Variants in TMEM131 observed in about 807,000 individuals in gnomAD.
The protein encoded by TMEM131 is transmembrane protein 131, also known as 2610524E03Rik.
TMEM131 carries 66 observed loss-of-function variants against 211.6 expected under a neutral mutation model. The ratio of observed to expected loss-of-function variants is 0.31; its 90% confidence interval spans 0.26 to 0.38. The LOEUF (loss-of-function observed/expected upper bound fraction) is 0.38. Among genes scored for constraint, TMEM131 ranks in the 10% least tolerant of loss-of-function variants. TMEM131 has a pLI of 1.00. For missense variants in TMEM131, 2,036 were observed against 2,299.3 expected (o/e 0.89, Z 2.34); for synonymous variants, 844 against 841.3 (o/e 1.00, Z -0.06).
chr2:97,883,059 G>A (rs1336833962), intron 4 of TMEM131, among the ~76,000 whole-genome samples: 2 of 152,058 alleles, frequency 1.3e-5, no homozygotes, highest in Non-Finnish European at 2.9e-5. Context: ...CCTTCTAGCT[G>A]GGTCCTCACA....
At chr2:97,893,160 T>C (rs1675455395) in intron 3 of TMEM131, among the ~76,000 whole-genome samples, 1 of 152,160 alleles carries the variant, frequency 6.6e-6, no homozygotes, top group African/African-American at 2.4e-5. Context: ...TCTGTTCTTG[T>C]GTTAGTTTGC....
At chr2:97,913,070 T>C (rs1282504990) in intron 2 of TMEM131, 1 of 152,158 alleles carries the variant, frequency 6.6e-6, no homozygotes, top group African/African-American at 2.4e-5. Context: ...GGGTTTTTAT[T>C]AACACCAAAA....
At chr2:97,791,042 A>G (rs2104878938) in intron 31 of TMEM131, among the ~76,000 whole-genome samples, 1 of 152,328 alleles carries the variant, frequency 6.6e-6, no homozygotes, top group East Asian at 1.9e-4. Context: ...TTGGTAAACC[A>G]TTCTGGAAGG....
chr2:97,892,197 G>GAA (rs1157759375), intron 3 of TMEM131, among the ~76,000 whole-genome samples: 1 of 152,048 alleles, frequency 6.6e-6, no homozygotes, highest in Non-Finnish European at 1.5e-5. Flanking sequence ...AACGTCTGTG[G>GAA]AAAGTTTTTT....
intron 33 of TMEM131, among the ~76,000 whole-genome samples, chr2:97,768,313 C>T (rs562415728): frequency 6.6e-6 from 1 of 152,210 alleles, no homozygotes; most frequent in East Asian, 1.9e-4. Context: ...TTAAAAAACC[C>T]ATCTTCTAAA....
At position 97,797,490 on chromosome 2, in the gene TMEM131, T is replaced by C; in HGVS notation, c.2745A>G (p.Gly915=). The C allele has an allele frequency of 6.2e-7, 1 of 1,613,436 alleles. No individual in the cohort carries two copies. The highest frequency in any genetic ancestry group is 8.5e-7 in the Non-Finnish European group (1 of 1,179,600). ...NSAHPLQSST[G]FMEGLSRHLI... Reference sequence around the variant, plus strand: ...AATGTCGAGAGAGGCCCTCCATAAATCCTGTTGAACTCTGCAGTGGATGAG... The same window carrying C: ...AATGTCGAGAGAGGCCCTCCATAAACCCTGTTGAACTCTGCAGTGGATGAG... The change falls in exon 26 of 41, where the codon GGA becomes GGG. Residue 915 remains glycine, a synonymous_variant. Transcript: ENST00000186436.
intron 1 of TMEM131, among the ~76,000 whole-genome samples, chr2:97,978,479 G>A (rs1679644295): frequency 6.6e-6 from 1 of 152,038 alleles, no homozygotes; most frequent in Non-Finnish European, 1.5e-5. Context: ...TGACTTCCTG[G>A]GCTCTAACAA....
chr2:97,824,219 G>C (rs1050782604), intron 11 of TMEM131, among the ~76,000 whole-genome samples: 2 of 152,220 alleles, frequency 1.3e-5, no homozygotes, highest in Non-Finnish European at 2.9e-5. Flanking sequence ...TGCCCCAGAG[G>C]GCAAAGGTTC....
chr2:97,868,110 T>C (rs2105211385), intron 4 of TMEM131, among the ~76,000 whole-genome samples: 1 of 152,322 alleles, frequency 6.6e-6, no homozygotes, highest in African/African-American at 2.4e-5. Context: ...TGCATGCATA[T>C]TTCGAGTTGT....
intron 12 of TMEM131, among the ~76,000 whole-genome samples, chr2:97,817,476 C>T (rs1425254079): frequency 6.6e-6 from 1 of 152,172 alleles, no homozygotes; most frequent in Non-Finnish European, 1.5e-5. Context: ...GACAATGTAC[C>T]TCGTGATACT....
chr2:97,981,582 T>C (rs988072800), intron 1 of TMEM131, among the ~76,000 whole-genome samples: 3 of 152,196 alleles, frequency 2.0e-5, no homozygotes, highest in Non-Finnish European at 4.4e-5. Flanking sequence ...AGCCTATCAA[T>C]TTTTAATAAA....
chr2:97,923,641 A>T (rs1676846771), intron 2 of TMEM131, among the ~76,000 whole-genome samples: 1 of 151,082 alleles, frequency 6.6e-6, no homozygotes, highest in Admixed American at 6.6e-5. Flanking sequence ...AAAAAAAAAA[A>T]AAAAAAAAAA....
intron 4 of TMEM131, among the ~76,000 whole-genome samples, chr2:97,866,171 G>A (rs955072100): frequency 5.3e-5 from 8 of 152,204 alleles, no homozygotes; most frequent in South Asian, 2.1e-4. Flanking sequence ...GTGAGCCGCC[G>A]TGCCCAGCCA....
chr2:97,864,868 C>T (rs1310968129), intron 4 of TMEM131, among the ~76,000 whole-genome samples: 1 of 152,184 alleles, frequency 6.6e-6, no homozygotes, highest in East Asian at 1.9e-4. Flanking sequence ...AGAGCCAGAT[C>T]CTTCAACCTA....
intron 4 of TMEM131, among the ~76,000 whole-genome samples, chr2:97,880,122 G>A (rs540281955): frequency 2.7e-5 from 4 of 146,272 alleles, no homozygotes; most frequent in Non-Finnish European, 6.1e-5. Context: ...TTTCCTATAT[G>A]TATGAAAACT....
rs890041876 is a variant in TMEM131, at chr2:97,933,652, CA to C, written c.188-6166del. ...AAACTACAAAACTCATTAACTTAGACAAAAAAAAAATTACAAATTGAACCCA... is the reference window on the plus strand; with the variant it reads ...AAACTACAAAACTCATTAACTTAGACAAAAAAAAATTACAAATTGAACCCA... On this transcript the variant is annotated intron_variant, in intron 1 of 40. Transcript: ENST00000186436. Among the ~76,000 whole-genome samples the C allele has an allele frequency of 1.3e-3, 189 of 147,372 alleles. 1 individual carries two copies. The highest frequency in any genetic ancestry group is 4.5e-3 in the African/African-American group (179 of 40,222).
At chr2:97,870,155 A>C (rs1418052683) in intron 4 of TMEM131, among the ~76,000 whole-genome samples, 1 of 152,178 alleles carries the variant, frequency 6.6e-6, no homozygotes, top group Non-Finnish European at 1.5e-5. Context: ...CACCCAAAAA[A>C]AATCTATCTC....
intron 5 of TMEM131, among the ~76,000 whole-genome samples, chr2:97,849,850 T>C (rs531959206): frequency 2.8e-4 from 42 of 150,932 alleles, no homozygotes; most frequent in Non-Finnish European, 2.5e-4. Flanking sequence ...CAAGAACAAA[T>C]AATTGAATGT....
intron 13 of TMEM131, 43 bp downstream of exon 13, chr2:97,815,156 G>T: frequency 9.2e-7 from 1 of 1,091,730 alleles, no homozygotes; most frequent in Non-Finnish European, 1.3e-6. Context: ...ATAATTTACT[G>T]ATTAGTAAAA....
Sources: gnomAD v4.1 joint callset for allele counts (sites outside exome capture counted in the v4.1 genomes callset) on GRCh38, gnomAD v4.1.1 for gene constraint, MANE v1.5 for transcripts, NCBI Gene and HGNC (gene_info 2026-07-23, HGNC 2026-07-21) for gene names.